The following DENND2B variants were observed in gnomAD, a reference collection of about 807,000 sequenced individuals.
DENND2B encodes the protein DENN domain containing 2B.
In DENND2B, 32 loss-of-function variants were observed where a neutral mutation model predicts 116.0. The observed-to-expected ratio is 0.28, with a 90% confidence interval of 0.21 to 0.37. The LOEUF (loss-of-function observed/expected upper bound fraction) is 0.37. Among genes scored for constraint, DENND2B ranks in the 10% least tolerant of loss-of-function variants. The pLI is 1.00. For missense variants in DENND2B, 1,276 were observed against 1,477.7 expected (o/e 0.86, Z 2.24); for synonymous variants, 588 against 583.9 (o/e 1.01, Z -0.10).
intron 1 of DENND2B, among the ~76,000 whole-genome samples, chr11:8,758,418 G>A (rs186897719): frequency 3.3e-5 from 5 of 152,186 alleles, no homozygotes; most frequent in Admixed American, 2.6e-4. Context: ...GGTGTGCTCC[G>A]TCTTCCTGTA....
At chr11:8,804,824 G>A (rs985671710) in intron 1 of DENND2B, among the ~76,000 whole-genome samples, 3 of 152,078 alleles carry the variant, frequency 2.0e-5, no homozygotes, top group Admixed American at 6.6e-5. Flanking sequence ...GATTACAGAC[G>A]TGAGCCACTG....
intron 1 of DENND2B, among the ~76,000 whole-genome samples, chr11:8,899,319 G>C (rs2064137670): frequency 6.6e-6 from 1 of 151,786 alleles, no homozygotes; most frequent in South Asian, 2.1e-4. Flanking sequence ...ATAAATTTGA[G>C]GAAAAACAAA....
chr11:8,907,115 G>A (rs994824870), intron 1 of DENND2B, among the ~76,000 whole-genome samples: 17 of 152,100 alleles, frequency 1.1e-4, no homozygotes, highest in African/African-American at 3.6e-4. Context: ...CTCTTCCAAC[G>A]CATCTCCTCC....
At chr11:8,817,851 T>C (rs1194534462) in intron 4 of DENND2B, among the ~76,000 whole-genome samples, 1 of 152,058 alleles carries the variant, frequency 6.6e-6, no homozygotes, top group Non-Finnish European at 1.5e-5. Context: ...CACTGTCCCT[T>C]ATTAAGTCGG....
At chr11:8,728,381 A>G (rs2047496307) in intron 3 of DENND2B, among the ~76,000 whole-genome samples, 1 of 151,746 alleles carries the variant, frequency 6.6e-6, no homozygotes, top group African/African-American at 2.4e-5. Flanking sequence ...TACCATCTCT[A>G]CTCCTCATGG....
In DENND2B at chr11:8,903,923, A is replaced by G. The variant is rs139200176; in HGVS notation, c.-256+6898T>C. The stretch of plus-strand genomic sequence containing the variant: ...AAAAAAAAAAAAAAGAAGGAATAGA[A>G]AATATAAGTAGACCTAAAACAAGGA... On this transcript the variant is annotated intron_variant, in intron 1 of 22. Transcript: ENST00000534127. Among the ~76,000 whole-genome samples the G allele has an allele frequency of 4.0e-5, 6 of 151,796 alleles. No homozygotes were observed. In the South Asian group the frequency reaches 6.2e-4, roughly 16 times the overall value.
At chr11:8,891,698 A>G (rs923919740) in intron 1 of DENND2B, among the ~76,000 whole-genome samples, 7 of 152,262 alleles carry the variant, frequency 4.6e-5, no homozygotes, top group Admixed American at 4.6e-4. Context: ...TAACTATCCT[A>G]AATATATATG....
Position 8,700,070 on chromosome 11 carries a change from G to T in DENND2B, c.2721-680C>A, listed in dbSNP as rs548546811. ...AGCCCCACGGGAGCTGGCCTGGGGG[G>T]GGGCAGGGTGGCAAAGAGGAAGCTC... On this transcript the variant is annotated intron_variant, in intron 14 of 19. Transcript: ENST00000313726. 194 of 451,114 alleles carry T rather than the reference G, an allele frequency of 4.3e-4. 1 individual carries two copies. The East Asian group carries it at 7.3e-3, about 17-fold the overall frequency. 27.9% of individuals were successfully genotyped at this position (451,114 alleles called of 1,614,324 possible).
At chr11:8,797,451 C>T (rs1033225929) in intron 1 of DENND2B, among the ~76,000 whole-genome samples, 20 of 122,678 alleles carry the variant, frequency 1.6e-4, no homozygotes, top group African/African-American at 5.7e-4. Context: ...CTTCCCCCTT[C>T]TTCCTCCTTC....
chr11:8,730,324 G>A lies in DENND2B; in HGVS notation c.966C>T (p.Ser322=), dbSNP rs773131460. ...RGKRKTGTLG[S]LEEPAGGASV... ...TCGCGCCCCCTGCCGGCTCCTCCAA[G>A]GAGCCCAAGGTTCCAGTCTTCCTTT... The change falls in exon 3 of 20, where the codon TCC becomes TCT. Residue 322 remains serine, a synonymous_variant. Coordinates refer to ENST00000313726, the MANE Select transcript of DENND2B (RefSeq NM_213618.2). This position sits in a 1 kb window ranked among gnomAD's most constrained non-coding sequence, Gnocchi z 4.1. 27 of 1,601,056 alleles carry A rather than the reference G, an allele frequency of 1.7e-5. No individual in the cohort carries two copies. The highest frequency in any genetic ancestry group is 1.4e-4 in the Admixed American group (8 of 59,194).
chr11:8,843,600 C>A (rs886573244), intron 3 of DENND2B, among the ~76,000 whole-genome samples: 1 of 152,222 alleles, frequency 6.6e-6, no homozygotes, highest in Non-Finnish European at 1.5e-5. Context: ...CCCTTGGCAA[C>A]AGCTACCTCC....
intron 1 of DENND2B, among the ~76,000 whole-genome samples, chr11:8,889,723 G>C (rs1488159942): frequency 2.0e-5 from 3 of 152,226 alleles, no homozygotes; most frequent in Admixed American, 2.0e-4. Context: ...TGAGGCTTGA[G>C]TAGGTAAACA....
intron 1 of DENND2B, chr11:8,808,450 C>T (rs903664926): frequency 5.3e-5 from 8 of 152,180 alleles, no homozygotes; most frequent in Admixed American, 2.0e-4. Flanking sequence ...CCTGCAGGAT[C>T]GTCTATGAGG....
chr11:8,699,668 G>A (rs960787653), intron 14 of DENND2B, among the ~76,000 whole-genome samples: 1 of 152,212 alleles, frequency 6.6e-6, no homozygotes, highest in South Asian at 2.1e-4. Context: ...GAAAAGGGCT[G>A]TCTCGGGTTT....
chr11:8,786,181 G>C (rs1393706155), intron 1 of DENND2B, among the ~76,000 whole-genome samples: 1 of 152,144 alleles, frequency 6.6e-6, no homozygotes, highest in Non-Finnish European at 1.5e-5. Flanking sequence ...GCTCCTCACA[G>C]AGTGGTTTTC....
At chr11:8,899,162 G>GAAGAA (rs142231301) in intron 1 of DENND2B, among the ~76,000 whole-genome samples, 1 of 151,772 alleles carries the variant, frequency 6.6e-6, no homozygotes, top group Non-Finnish European at 1.5e-5. Flanking sequence ...TATACAATTT[G>GAAGAA]AAGAAAAGAA....
intron 4 of DENND2B, among the ~76,000 whole-genome samples, chr11:8,721,818 CA>C (rs2046242764): frequency 6.6e-6 from 1 of 152,220 alleles, no homozygotes; most frequent in Non-Finnish European, 1.5e-5. Flanking sequence ...AGTGGAGGCT[CA>C]AAAGACTTTG....
intron 4 of DENND2B, among the ~76,000 whole-genome samples, chr11:8,825,762 G>C (rs978970086): frequency 2.0e-5 from 3 of 152,072 alleles, no homozygotes; most frequent in Admixed American, 6.6e-5. Context: ...GAAAAATACT[G>C]CAAGACAACA....
At chr11:8,836,902 G>T (rs1247899651) in intron 4 of DENND2B, among the ~76,000 whole-genome samples, 1 of 152,190 alleles carries the variant, frequency 6.6e-6, no homozygotes, top group Non-Finnish European at 1.5e-5. Flanking sequence ...TTCTTATAGA[G>T]CTGGGGTTTC....
Sources: gnomAD v4.1 joint callset for allele counts (sites outside exome capture counted in the v4.1 genomes callset) on GRCh38, gnomAD v4.1.1 for gene constraint, Gnocchi (gnomAD v3.1) non-coding constraint, MANE v1.5 for transcripts, NCBI Gene and HGNC (gene_info 2026-07-23, HGNC 2026-07-21) for gene names.